LETM1: variants seen among roughly 807,000 people sequenced by gnomAD.
LETM1 encodes the protein mitochondrial proton/calcium exchanger protein.
In LETM1, 50 loss-of-function variants were observed where a neutral mutation model predicts 74.5. The ratio of observed to expected loss-of-function variants is 0.67; its 90% CI spans 0.53 to 0.85. The LOEUF (loss-of-function observed/expected upper bound fraction) is 0.85. Among genes scored for constraint, LETM1 ranks in the 40% least tolerant of loss-of-function variants. LETM1 has a pLI of 0.00. For missense variants in LETM1, 824 were observed against 967.8 expected, an observed-to-expected ratio of 0.85 and a Z score of 1.97; for synonymous variants, 446 against 407.1, an observed-to-expected ratio of 1.10 and a Z score of -1.15.
At chr4:1,852,243 A>G (rs1010161108) in intron 1 of LETM1, among the ~76,000 whole-genome samples, 2 of 152,206 alleles carry the variant, frequency 1.3e-5, no homozygotes, top group African/African-American at 4.8e-5. Flanking sequence ...GGTTTTGATC[A>G]TTCACAAGAA....
intron 6 of LETM1, among the ~76,000 whole-genome samples, chr4:1,827,896 C>G (rs1188267931): frequency 6.7e-6 from 1 of 149,660 alleles, no homozygotes; most frequent in African/African-American, 2.5e-5. Flanking sequence ...ACCTCCCGGA[C>G]GGGGCGGCTG....
chr4:1,824,255 A>T (rs1380371724), intron 7 of LETM1, among the ~76,000 whole-genome samples: 1 of 152,186 alleles, frequency 6.6e-6, no homozygotes, highest in Non-Finnish European at 1.5e-5. Flanking sequence ...AGGGAGGCGG[A>T]GGTTGTTTCA....
At position 1,834,557 on chromosome 4, in the gene LETM1, C is replaced by A. The variant is rs957384382; in HGVS notation, c.876+288G>T. On this transcript the variant is annotated intron_variant, in intron 5 of 13. Coordinates refer to ENST00000302787, the MANE Select transcript of LETM1 (RefSeq NM_012318.3). This position sits in a 1 kb window ranked among gnomAD's most constrained non-coding sequence, Gnocchi z 5.0. ...CCTCACACCATCAGGGTCTCAGGCTCCTCATGGGTCAGATTCTACTGCTCC... is the reference window on the plus strand; with the variant it reads ...CCTCACACCATCAGGGTCTCAGGCTACTCATGGGTCAGATTCTACTGCTCC... 1.2e-5 allele frequency: 14 copies of A among 1,198,498 alleles called. No homozygotes were observed. Among genetic ancestry groups the A allele is most frequent in the Non-Finnish European group, 1.5e-5 (14 of 959,840 alleles). The allele number at this position is 1,198,498 out of a possible 1,614,324, so 74.2% of individuals were successfully genotyped here.
intron 13 of LETM1, 32 bp downstream of exon 13, chr4:1,815,632 G>A (rs375454806): frequency 5.6e-5 from 90 of 1,611,608 alleles, no homozygotes; most frequent in Middle Eastern, 1.8e-4. Flanking sequence ...AGCAGGTGGC[G>A]GATGGCCTGC....
At chr4:1,825,767 G>A in intron 6 of LETM1, 84 bp from the exon 7 acceptor site, 4 of 1,461,786 alleles carry the variant, frequency 2.7e-6, no homozygotes, top group Non-Finnish European at 3.7e-6. Flanking sequence ...AGAATAAGTG[G>A]CTAACAGATT....
At position 1,814,328 on chromosome 4, in the gene LETM1, T is replaced by A; in HGVS notation, c.*96A>T. 6.4e-7 allele frequency: 1 copy of A among 1,564,114 alleles called. No individual in the cohort carries two copies. Among genetic ancestry groups the A allele is most frequent in the Non-Finnish European group, 8.7e-7 (1 of 1,147,786 alleles). On this transcript the variant is annotated 3_prime_UTR_variant, in exon 14 of 14. Coordinates refer to ENST00000302787, the MANE Select transcript of LETM1 (RefSeq NM_012318.3). ...CTCTGATTTATTCCAGCCAAAATATTAGATGAGCCACTGAGAATCACCACA... is the reference window on the plus strand; with the variant it reads ...CTCTGATTTATTCCAGCCAAAATATAAGATGAGCCACTGAGAATCACCACA...
Position 1,815,795 on chromosome 4 carries a change from C to T in LETM1, c.1939G>A (p.Val647Ile), listed in dbSNP as rs781117354. 7 of 1,613,902 alleles carry T rather than the reference C, an allele frequency of 4.3e-6. No homozygotes were observed. Among genetic ancestry groups the T allele is most frequent in the East Asian group, 2.2e-5 (1 of 44,896 alleles). The change falls in exon 13 of 14, where the codon GTC (valine) becomes ATC (isoleucine). Residue 647 changes from valine to isoleucine, a missense_variant. By Grantham distance (29) the Val-to-Ile change is conservative. Transcript: ENST00000302787. ...TTGATGAGCTCAGCGACACTGATGA[C>T]GTTCTCCCTGTGGAAGCACAGCCTG... ...PANGMPTGEN[V>I]ISVAELINAM...
At chr4:1,849,824 A>G (rs2108856939) in intron 1 of LETM1, among the ~76,000 whole-genome samples, 1 of 152,024 alleles carries the variant, frequency 6.6e-6, no homozygotes, top group African/African-American at 2.4e-5. Context: ...TTGGGATTAC[A>G]GGCGTGAGCC....
At chr4:1,831,188 A>G (rs1024263979) in intron 6 of LETM1, among the ~76,000 whole-genome samples, 3 of 152,160 alleles carry the variant, frequency 2.0e-5, no homozygotes, top group Non-Finnish European at 4.4e-5. Context: ...TGGGTAACAC[A>G]TTTCTCTCAA....
rs906977999 is a variant in LETM1 at position 1,814,324 on chromosome 4, A to G, written c.*100T>C. 1.9e-6 allele frequency: 3 copies of G among 1,556,038 alleles called. No individual in the cohort carries two copies. In the African/African-American group the frequency reaches 4.1e-5, roughly 21 times the overall value. On this transcript the variant is annotated 3_prime_UTR_variant, in exon 14 of 14. Coordinates refer to ENST00000302787, the MANE Select transcript of LETM1 (RefSeq NM_012318.3). ...AAGTCTCTGATTTATTCCAGCCAAA[A>G]TATTAGATGAGCCACTGAGAATCAC...
chr4:1,853,071 C>T (rs768591679), intron 1 of LETM1, among the ~76,000 whole-genome samples: 1 of 152,150 alleles, frequency 6.6e-6, no homozygotes, highest in African/African-American at 2.4e-5. Context: ...CTGATGGGCA[C>T]GGCACAGTCC....
intron 6 of LETM1, among the ~76,000 whole-genome samples, chr4:1,828,224 G>C (rs865855094): frequency 2.9e-5 from 4 of 137,508 alleles, no homozygotes; most frequent in South Asian, 4.7e-4. Context: ...GGGCGGGGGG[G>C]GCTGACCGCC....
chr4:1,814,598 C>T, intron 13 of LETM1, 25 bp from the exon 14 acceptor site: 1 of 1,607,412 alleles, frequency 6.2e-7, no homozygotes, highest in South Asian at 1.1e-5. Flanking sequence ...AAGGGAGAGG[C>T]TCAGGTGGCT....
chr4:1,828,792 C>T (rs1179131983), intron 6 of LETM1, among the ~76,000 whole-genome samples: 4 of 141,852 alleles, frequency 2.8e-5, no homozygotes, highest in Admixed American at 6.9e-5. Flanking sequence ...CCGGACGGGG[C>T]GGCTGGCCGG....
chr4:1,835,794 C>T (rs554542025), intron 4 of LETM1, among the ~76,000 whole-genome samples: 1 of 152,122 alleles, frequency 6.6e-6, no homozygotes, highest in Non-Finnish European at 1.5e-5. Context: ...TTTTAAAATA[C>T]ATTGAGCTGG....
intron 6 of LETM1, among the ~76,000 whole-genome samples, chr4:1,826,492 G>C (rs148369798): frequency 2.6e-5 from 4 of 152,320 alleles, no homozygotes; most frequent in Non-Finnish European, 2.9e-5. Context: ...CAAGACAGAG[G>C]CCACCTTCCC....
In LETM1 at chr4:1,813,427, G is replaced by A. The variant is rs1483045220; in HGVS notation, c.*997C>T. Reference sequence around the variant, plus strand: ...CTGGCCAGCCTGGCCATGCTGCCGAGTGCGGGGAGGCCACCCCACCCAGAG... The same window carrying A: ...CTGGCCAGCCTGGCCATGCTGCCGAATGCGGGGAGGCCACCCCACCCAGAG... On this transcript the variant is annotated 3_prime_UTR_variant, in exon 14 of 14. Transcript: ENST00000302787. 6.6e-6 allele frequency: 1 copy of A among 152,404 alleles called. No homozygotes were observed. The highest frequency in any genetic ancestry group is 1.5e-5 in the Non-Finnish European group (1 of 68,074). 9.4% of individuals were successfully genotyped at this position (152,404 alleles called of 1,614,324 possible).
chr4:1,841,219 C>T lies in LETM1; in HGVS notation c.594+128G>A, dbSNP rs1198228035. On this transcript the variant is annotated intron_variant, in intron 3 of 13. Coordinates refer to ENST00000302787, the MANE Select transcript of LETM1 (RefSeq NM_012318.3). ...AATTAGCCAGGTGTGGTGGCACATG[C>T]CTGTGGTCCCAGATACTCGGGAGGC... 11 of 787,534 alleles carry T rather than the reference C, an allele frequency of 1.4e-5. No homozygotes were observed. The African/African-American group carries it at 1.7e-4, about 12-fold the overall frequency. 48.8% of individuals were successfully genotyped at this position (787,534 alleles called of 1,614,324 possible).
chr4:1,855,798 A>G, intron 1 of LETM1, 71 bp downstream of exon 1: 1 of 949,984 alleles, frequency 1.1e-6, no homozygotes, highest in Non-Finnish European at 1.3e-6. Context: ...ACCAGCCCGA[A>G]CCCGCGGGTC....
Sources: gnomAD v4.1 joint callset for allele counts (sites outside exome capture counted in the v4.1 genomes callset) on GRCh38, gnomAD v4.1.1 for gene constraint, Gnocchi (gnomAD v3.1) non-coding constraint, MANE v1.5 for transcripts, NCBI Gene and HGNC (gene_info 2026-07-23, HGNC 2026-07-21) for gene names.